Variants in E2F3 observed in about 807,000 individuals in gnomAD.
The protein encoded by E2F3 is E2F transcription factor 3, also known as transcription factor E2F3.
In E2F3, 11 loss-of-function variants were observed where a neutral mutation model predicts 44.4. The ratio of observed to expected loss-of-function variants is 0.25; its 90% CI spans 0.16 to 0.41. E2F3 has a LOEUF of 0.41. Ranked by LOEUF, E2F3 falls within the 10% of genes least tolerant of loss-of-function variation. The pLI is 1.00. For missense variants in E2F3, 487 were observed against 583.6 expected (o/e 0.83, Z 1.70); for synonymous variants, 249 against 253.0 (o/e 0.98, Z 0.15).
intron 1 of E2F3, among the ~76,000 whole-genome samples, chr6:20,441,012 C>T (rs536109799): frequency 1.3e-5 from 2 of 152,290 alleles, no homozygotes; most frequent in Non-Finnish European, 2.9e-5. Flanking sequence ...GGGGTGAGGG[C>T]ATCCGAAACA....
Position 20,402,406 on chromosome 6 carries a change from C to T in E2F3, c.174C>T (p.Ile58=), listed in dbSNP as rs1408645703. 6.2e-7 allele frequency: 1 copy of T among 1,611,536 alleles called. No homozygotes were observed. Among genetic ancestry groups the T allele is most frequent in the Non-Finnish European group, 8.5e-7 (1 of 1,179,420 alleles). The change falls in exon 1 of 7, where the codon ATC becomes ATT. Residue 58 remains isoleucine, a synonymous_variant. Transcript: ENST00000346618. The surrounding 1 kb of genome is among the most constrained non-coding windows in gnomAD (Gnocchi z 5.6). ...CTGCCGCCGCCCCGGGCGCGTACAT[C>T]CAGATCCTCACCACGAACACTTCCA... ...AAAAAAPGAY[I]QILTTNTSTT...
intron 1 of E2F3, among the ~76,000 whole-genome samples, chr6:20,472,422 C>G (rs1324914808): frequency 6.6e-6 from 1 of 152,034 alleles, no homozygotes; most frequent in Non-Finnish European, 1.5e-5. Context: ...CGTGGAGGCT[C>G]ACATCTGTAA....
chr6:20,443,818 T>G (rs535255212), intron 1 of E2F3, among the ~76,000 whole-genome samples: 1 of 152,356 alleles, frequency 6.6e-6, no homozygotes, highest in South Asian at 2.1e-4. Context: ...TAATTGTGTG[T>G]GTCTGTACTG....
intron 1 of E2F3, among the ~76,000 whole-genome samples, chr6:20,431,258 A>G (rs1760390341): frequency 6.6e-6 from 1 of 152,174 alleles, no homozygotes; most frequent in Non-Finnish European, 1.5e-5. Context: ...AAATGGGTCC[A>G]TTGCAGAATC....
intron 6 of E2F3, among the ~76,000 whole-genome samples, chr6:20,488,810 AC>A (rs1229807988): frequency 6.6e-6 from 1 of 152,140 alleles, no homozygotes; most frequent in African/African-American, 2.4e-5. Context: ...CCTGGCCAAC[AC>A]AGTGAAACCC....
chr6:20,402,640 C>A lies in E2F3; in HGVS notation c.393+15C>A. On this transcript the variant is annotated intron_variant, in intron 1 of 6. Coordinates refer to ENST00000346618, the MANE Select transcript of E2F3 (RefSeq NM_001949.5). The surrounding 1 kb of genome is among the most constrained non-coding windows in gnomAD (Gnocchi z 5.6). ...GCGGCCCTCCGGTAATACCCTCCCT[C>A]CCCACCGTCCCCAGCCCCGGCGGGA... The A allele has an allele frequency of 7.6e-7, 1 of 1,322,224 alleles. No homozygotes were observed. Among genetic ancestry groups the A allele is most frequent in the Non-Finnish European group, 9.6e-7 (1 of 1,043,300 alleles). The allele number at this position is 1,322,224 out of a possible 1,614,324, so 81.9% of individuals were successfully genotyped here.
intron 1 of E2F3, among the ~76,000 whole-genome samples, chr6:20,428,872 A>G (rs796494319): frequency 5.3e-5 from 8 of 152,282 alleles, no homozygotes; most frequent in African/African-American, 1.9e-4. Context: ...GCTGCCCTAC[A>G]ATGATATTTT....
At chr6:20,478,812 A>G (rs1055243270) in intron 1 of E2F3, among the ~76,000 whole-genome samples, 1 of 152,210 alleles carries the variant, frequency 6.6e-6, no homozygotes, top group African/African-American at 2.4e-5. Flanking sequence ...TCTGTCTTAA[A>G]AAAAAGAAAC....
intron 1 of E2F3, among the ~76,000 whole-genome samples, chr6:20,413,638 G>A (rs1338517635): frequency 6.6e-6 from 1 of 152,190 alleles, no homozygotes; most frequent in Non-Finnish European, 1.5e-5. Flanking sequence ...CTAGACGCCA[G>A]GCACCAGCAC....
At chr6:20,467,056 TC>T (rs1395223702) in intron 1 of E2F3, among the ~76,000 whole-genome samples, 1 of 152,114 alleles carries the variant, frequency 6.6e-6, no homozygotes, top group Admixed American at 6.6e-5. Flanking sequence ...CTGTGACTCT[TC>T]CCCCCTACCC....
At chr6:20,419,494 T>TAACA (rs1759952356) in intron 1 of E2F3, among the ~76,000 whole-genome samples, 1 of 152,346 alleles carries the variant, frequency 6.6e-6, no homozygotes, top group East Asian at 1.9e-4. Context: ...ACATTAGTCT[T>TAACA]TTTGCAGTTG....
rs777110469 is a variant in E2F3, at chr6:20,402,251, C to A, written c.19C>A (p.Pro7Thr). ...GCGAGAGATGAGAAAGGGAATCCAG[C>A]CCGCTCTGGAGCAGTACCTGGTGAC... is the stretch of plus-strand genomic sequence containing the variant. MRKGIQ[P>T]ALEQYLVTAG... The change falls in exon 1 of 7, where the codon CCC becomes ACC. Residue 7 changes from proline to threonine, a missense_variant. This residue lies in a region of E2F3 where 238 missense variants were observed against 236.0 expected (regional missense o/e 1.01). Transcript: ENST00000346618. The surrounding 1 kb of genome is among the most constrained non-coding windows in gnomAD (Gnocchi z 5.6). 5.6e-6 allele frequency: 9 copies of A among 1,597,610 alleles called. No individual in the cohort carries two copies. Among genetic ancestry groups the A allele is most frequent in the Non-Finnish European group, 7.7e-6 (9 of 1,175,772 alleles).
chr6:20,422,071 T>C (rs1310546699), intron 1 of E2F3, among the ~76,000 whole-genome samples: 2 of 152,244 alleles, frequency 1.3e-5, no homozygotes, highest in East Asian at 1.9e-4. Flanking sequence ...CATCTTCCAA[T>C]AGAAAGCTGT....
rs139834427 is a variant in E2F3, at chr6:20,486,521, C to T, written c.885-168C>T. ...TCTCCTGACCTCATGATCCACCCGCCTCGGCCTCCCAAAGTGCTGGGATTA... is the reference window on the plus strand; with the variant it reads ...TCTCCTGACCTCATGATCCACCCGCTTCGGCCTCCCAAAGTGCTGGGATTA... On this transcript the variant is annotated intron_variant, in intron 4 of 6. Coordinates refer to ENST00000346618, the MANE Select transcript of E2F3 (RefSeq NM_001949.5). Among the ~76,000 whole-genome samples, 556 of 152,330 alleles carry T rather than the reference C, an allele frequency of 3.6e-3. 6 individuals carry two copies. The highest frequency in any genetic ancestry group is 0.013 in the African/African-American group (536 of 41,564).
At chr6:20,484,436 G>A (rs1037740413) in intron 4 of E2F3, among the ~76,000 whole-genome samples, 1 of 152,134 alleles carries the variant, frequency 6.6e-6, no homozygotes, top group African/African-American at 2.4e-5. Context: ...TTAGCCAAAA[G>A]GCCAAGAAGT....
At chr6:20,425,538 G>A (rs1425158768) in intron 1 of E2F3, among the ~76,000 whole-genome samples, 3 of 152,100 alleles carry the variant, frequency 2.0e-5, no homozygotes, top group South Asian at 2.1e-4. Context: ...ACAGGCGTAC[G>A]CCACAATGCC....
At chr6:20,403,947 G>A (rs1420534479) in intron 1 of E2F3, 3 of 578,884 alleles carry the variant, frequency 5.2e-6, no homozygotes, top group African/African-American at 2.0e-5. Context: ...GGAACGGGGG[G>A]TTGGGTGCTC....
At chr6:20,477,257 G>T (rs1762080053) in intron 1 of E2F3, among the ~76,000 whole-genome samples, 1 of 152,110 alleles carries the variant, frequency 6.6e-6, no homozygotes, top group Non-Finnish European at 1.5e-5. Flanking sequence ...CATGCACCCA[G>T]CCCTAATAGC....
chr6:20,420,220 A>G (rs1283708035), intron 1 of E2F3, among the ~76,000 whole-genome samples: 4 of 152,224 alleles, frequency 2.6e-5, no homozygotes, highest in African/African-American at 9.7e-5. Context: ...TGAAATCACT[A>G]ATTTAAACCT....
Sources: allele counts gnomAD v4.1 joint callset (sites outside exome capture counted in the v4.1 genomes callset), GRCh38; gene constraint gnomAD v4.1.1; regional missense constraint gnomAD v4.1.1; non-coding constraint Gnocchi (gnomAD v3.1); transcripts MANE v1.5; gene names NCBI Gene and HGNC (gene_info 2026-07-23, HGNC 2026-07-21).